CDH12: variants seen among roughly 807,000 people sequenced by gnomAD.
CDH12 encodes the protein cadherin 12.
In CDH12, 41 loss-of-function variants were observed where a neutral mutation model predicts 74.1. The observed-to-expected ratio is 0.55, with a 90% CI of 0.43 to 0.72. The LOEUF (loss-of-function observed/expected upper bound fraction) is 0.72, where lower values mean the gene tolerates loss of function less well. Ranked by LOEUF, CDH12 falls within the 30% of genes least tolerant of loss-of-function variation. The pLI is 0.00. For synonymous variants in CDH12, 399 were observed against 355.0 expected (o/e 1.12, Z -1.39); for missense variants, 945 against 977.2 (o/e 0.97, Z 0.44).
Position 21,833,188 on chromosome 5 carries a change from A to G in CDH12, c.814+8973T>C, listed in dbSNP as rs1168013369. Among the ~76,000 whole-genome samples the G allele has an allele frequency of 2.5e-3, 81 of 32,818 alleles. 1 individual carries two copies. Among genetic ancestry groups the G allele is most frequent in the East Asian group, 2.9e-3 (2 of 690 alleles). The allele number at this position is 32,818 out of a possible 152,430, so 21.5% of individuals were successfully genotyped here. On this transcript the variant is annotated intron_variant, in intron 8 of 14. Transcript: ENST00000382254. ...ATTATATTATAAATATATATTATAT[A>G]ACATATAATATATATATTATAATAT... is the stretch of plus-strand genomic sequence containing the variant.
chr5:22,321,584 TG>T (rs1738885267), intron 3 of CDH12, among the ~76,000 whole-genome samples: 1 of 149,554 alleles, frequency 6.7e-6, no homozygotes, highest in Non-Finnish European at 1.5e-5. Flanking sequence ...GCACGGCACA[TG>T]TATACATATG....
At chr5:21,882,473 A>G in intron 6 of CDH12, 1 of 670,888 alleles carries the variant, frequency 1.5e-6, no homozygotes, top group East Asian at 2.7e-5. Flanking sequence ...TTCCATTTAT[A>G]GTACAACTGC....
At chr5:22,424,023 A>AAAAAAAG (rs1743782207) in intron 2 of CDH12, among the ~76,000 whole-genome samples, 3 of 147,854 alleles carry the variant, frequency 2.0e-5, no homozygotes, top group African/African-American at 7.5e-5. Context: ...AAAAAAAAAA[A>AAAAAAAG]AAAAGAAAAG....
intron 3 of CDH12, among the ~76,000 whole-genome samples, chr5:22,243,959 T>G (rs1561250115): frequency 6.6e-6 from 1 of 152,212 alleles, no homozygotes; most frequent in Non-Finnish European, 1.5e-5. Flanking sequence ...AAATTTTAAT[T>G]ATTTTAAAAG....
chr5:21,950,604 G>A (rs1251716900), intron 6 of CDH12, among the ~76,000 whole-genome samples: 1 of 151,340 alleles, frequency 6.6e-6, no homozygotes, highest in African/African-American at 2.4e-5. Context: ...AATTGCATTT[G>A]TACCCCATAA....
At chr5:22,444,880 T>C (rs945106165) in intron 2 of CDH12, among the ~76,000 whole-genome samples, 2 of 152,090 alleles carry the variant, frequency 1.3e-5, no homozygotes, top group Non-Finnish European at 2.9e-5. Context: ...GTAAAAACGA[T>C]ATTATGCTTC....
chr5:22,044,063 C>A (rs540909594), intron 5 of CDH12, among the ~76,000 whole-genome samples: 1 of 152,120 alleles, frequency 6.6e-6, no homozygotes, highest in East Asian at 1.9e-4. Context: ...GCAAAAATAT[C>A]CTTCAAAGAC....
At chr5:21,760,700 C>T (rs373371615) in intron 12 of CDH12, 25 bp from the exon 13 acceptor site, 84 of 1,368,480 alleles carry the variant, frequency 6.1e-5, no homozygotes, top group Middle Eastern at 5.4e-4. Context: ...AGATTAAAGT[C>T]GGTCATCAGT....
chr5:21,869,595 AG>A (rs1233061398), intron 6 of CDH12, among the ~76,000 whole-genome samples: 8 of 152,052 alleles, frequency 5.3e-5, no homozygotes, highest in Admixed American at 3.9e-4. Flanking sequence ...TTAGTCTTTA[AG>A]TATTGTTAAT....
At chr5:22,014,593 C>G (rs1342642719) in intron 5 of CDH12, among the ~76,000 whole-genome samples, 1 of 152,028 alleles carries the variant, frequency 6.6e-6, no homozygotes, top group Non-Finnish European at 1.5e-5. Flanking sequence ...GCAGATTTCA[C>G]TTGCACTGAT....
intron 4 of CDH12, among the ~76,000 whole-genome samples, chr5:22,115,714 A>G (rs1264374585): frequency 8.7e-6 from 1 of 114,310 alleles, no homozygotes; most frequent in Non-Finnish European, 1.7e-5. Context: ...TTTTTTTGAG[A>G]CAGACTCTCG....
chr5:21,762,221 T>C (rs551203849), intron 12 of CDH12, among the ~76,000 whole-genome samples: 2 of 152,280 alleles, frequency 1.3e-5, no homozygotes, highest in South Asian at 4.1e-4. Flanking sequence ...TCCTTTAGAA[T>C]AGCATATAGA....
At chr5:22,229,467 T>A (rs1307578735) in intron 3 of CDH12, among the ~76,000 whole-genome samples, 2 of 151,112 alleles carry the variant, frequency 1.3e-5, no homozygotes, top group Non-Finnish European at 2.9e-5. Context: ...AAAAAAAGAT[T>A]TTGAGCCTTG....
chr5:22,779,210 C>T (rs986616357), intron 1 of CDH12, among the ~76,000 whole-genome samples: 12 of 152,088 alleles, frequency 7.9e-5, no homozygotes, highest in African/African-American at 2.9e-4. Flanking sequence ...TTTATCAAAG[C>T]CTACTAGTTG....
intron 3 of CDH12, among the ~76,000 whole-genome samples, chr5:22,335,893 G>A (rs1379525306): frequency 6.6e-6 from 1 of 152,168 alleles, no homozygotes; most frequent in East Asian, 1.9e-4. Flanking sequence ...CTGGGTAACA[G>A]GCAGAGGTTG....
rs145583377 is a variant in CDH12 at position 22,742,906 on chromosome 5, T to G, written c.-523+110152A>C. On this transcript the variant is annotated intron_variant, in intron 1 of 14. Coordinates refer to ENST00000382254, the MANE Select transcript of CDH12 (RefSeq NM_004061.5). ...ATTAATCCATGTATTTCCGTGAAAG[T>G]GTTTTGGATGAGATTAACATTTAAA... Among the ~76,000 whole-genome samples the G allele has an allele frequency of 4.5e-3, 684 of 151,966 alleles. 3 individuals carry two copies. The highest frequency in any genetic ancestry group is 0.016 in the African/African-American group (660 of 41,486).
intron 5 of CDH12, among the ~76,000 whole-genome samples, chr5:22,015,332 A>T (rs1737538275): frequency 6.6e-6 from 1 of 152,204 alleles, no homozygotes; most frequent in Admixed American, 6.5e-5. Flanking sequence ...TAAATTTCAG[A>T]ATACAACAGC....
At position 22,278,344 on chromosome 5, in the gene CDH12, G is replaced by T. The variant is rs188708310; in HGVS notation, c.-332-65701C>A. ...TGAAGATTTGTTGGCTCTACCACCTGGCCTAAGTACTGAGCCTCTGTCAGC... is the reference window on the plus strand; with the variant it reads ...TGAAGATTTGTTGGCTCTACCACCTTGCCTAAGTACTGAGCCTCTGTCAGC... On this transcript the variant is annotated intron_variant, in intron 3 of 14. Transcript: ENST00000382254. Among the ~76,000 whole-genome samples, 3 of 152,110 alleles carry T rather than the reference G, an allele frequency of 2.0e-5. No homozygotes were observed. In the East Asian group the frequency reaches 5.8e-4, roughly 29 times the overall value.
intron 1 of CDH12, among the ~76,000 whole-genome samples, chr5:22,582,312 G>A (rs1740150159): frequency 6.6e-6 from 1 of 152,018 alleles, no homozygotes; most frequent in African/African-American, 2.4e-5. Flanking sequence ...ACCTGCATGT[G>A]GCAATGCATC....
Sources: allele counts gnomAD v4.1 joint callset (sites outside exome capture counted in the v4.1 genomes callset), GRCh38; gene constraint gnomAD v4.1.1; transcripts MANE v1.5; gene names NCBI Gene and HGNC (gene_info 2026-07-23, HGNC 2026-07-21).